Variants in RIPOR2 observed in about 807,000 individuals in gnomAD.
The protein encoded by RIPOR2 is RHO family interacting cell polarization regulator 2.
RIPOR2 carries 39 observed loss-of-function variants against 114.5 expected under a neutral mutation model. That is an observed-to-expected ratio of 0.34 (90% CI 0.26 to 0.44). The LOEUF is 0.44. RIPOR2 is among the 20% of genes least tolerant of loss of function. RIPOR2 has a pLI of 1.00. For synonymous variants in RIPOR2, 445 were observed against 484.4 expected, an observed-to-expected ratio of 0.92 and a Z score of 1.07; for missense variants, 1,007 against 1,255.1, an observed-to-expected ratio of 0.80 and a Z score of 2.99.
intron 1 of RIPOR2, among the ~76,000 whole-genome samples, chr6:24,884,133 GC>G (rs1306236692): frequency 6.6e-6 from 1 of 152,174 alleles, no homozygotes. Context: ...AGCAGGCCCG[GC>G]ACGGTGGCTC....
intron 1 of RIPOR2, among the ~76,000 whole-genome samples, chr6:24,942,683 A>G (rs916242595): frequency 1.3e-5 from 2 of 152,108 alleles, no homozygotes; most frequent in Admixed American, 6.5e-5. Flanking sequence ...GCATTTTTTC[A>G]TATGTCTTTT....
chr6:24,835,958 A>T, intron 14 of RIPOR2, 87 bp from the exon 15 acceptor site: 1 of 1,245,482 alleles, frequency 8.0e-7, no homozygotes, highest in Non-Finnish European at 1.1e-6. Context: ...GGGCCCCAAC[A>T]GCACCCACTG....
intron 4 of RIPOR2, 46 bp downstream of exon 4, chr6:24,872,835 G>T: frequency 7.7e-7 from 1 of 1,293,876 alleles, no homozygotes; most frequent in Non-Finnish European, 1.1e-6. Context: ...AAGCTATTTG[G>T]CTAAAAAGAA....
intron 6 of RIPOR2, among the ~76,000 whole-genome samples, chr6:24,867,258 A>C (rs1260378497): frequency 6.6e-6 from 1 of 152,164 alleles, no homozygotes; most frequent in Non-Finnish European, 1.5e-5. Flanking sequence ...TGCTGATGAC[A>C]TCTTTTGGTT....
chr6:24,806,439 G>A lies in RIPOR2; in HGVS notation c.3078C>T (p.Asp1026=). The A allele has an allele frequency of 6.4e-7, 1 of 1,551,784 alleles. No individual in the cohort carries two copies. The highest frequency in any genetic ancestry group is 1.4e-5 in the African/African-American group (1 of 73,134). The change falls in exon 22 of 22, where the codon GAC becomes GAT. Residue 1026 remains aspartate (D), a synonymous_variant. Transcript: ENST00000643898. ...CTTTAACACAGTCTCGAGGAAATTT[G>A]TCCAATTGTTCATATGCCAGCCGCC... ...EDGRLAYEQL[D]KFPRDCVKVG...
At chr6:25,040,936 C>T (rs2113783606) in intron 1 of RIPOR2, among the ~76,000 whole-genome samples, 1 of 152,314 alleles carries the variant, frequency 6.6e-6, no homozygotes, top group East Asian at 1.9e-4. Flanking sequence ...TACCCCATTC[C>T]TCATGGAAAC....
intron 1 of RIPOR2, among the ~76,000 whole-genome samples, chr6:24,973,497 T>A (rs188743057): frequency 1.3e-5 from 2 of 151,042 alleles, no homozygotes; most frequent in Non-Finnish European, 2.9e-5. Context: ...CTTGGGAGGC[T>A]GAGGCAGGAG....
rs763723982 is a variant in RIPOR2, at chr6:24,873,699, C to G, written c.289G>C (p.Glu97Gln). The G allele has an allele frequency of 9.9e-6, 16 of 1,613,586 alleles. No individual in the cohort carries two copies. The highest frequency in any genetic ancestry group is 8.8e-5 in the South Asian group (8 of 91,060). Residue 97 changes from glutamate (E) to glutamine (Q), a missense_variant, in exon 3 of 22, where the codon GAG becomes CAG. By Grantham distance (29) the Glu-to-Gln change is conservative (BLOSUM62 2). Transcript: ENST00000643898. ...TCTTCCACCCTTTTAGGCTGAGGCT[C>G]TTTGGGGGGATTGTTGTTTTTGTGG... ...LGHKNNNPPK[E>Q]PQPKRVEEVY...
intron 2 of RIPOR2, 141 bp downstream of exon 2, chr6:24,875,550 T>A: frequency 1.3e-6 from 1 of 743,376 alleles, no homozygotes; most frequent in Non-Finnish European, 2.2e-6. Flanking sequence ...TTTTAGTACA[T>A]CCTTTCCATG....
chr6:24,912,201 G>A (rs552784030), intron 1 of RIPOR2, among the ~76,000 whole-genome samples: 1 of 152,206 alleles, frequency 6.6e-6, no homozygotes, highest in African/African-American at 2.4e-5. Context: ...CATAGGGCAG[G>A]GACCATCTCT....
chr6:24,975,682 A>G (rs950216271), intron 1 of RIPOR2, among the ~76,000 whole-genome samples: 1 of 152,214 alleles, frequency 6.6e-6, no homozygotes, highest in South Asian at 2.1e-4. Context: ...TGCATAGTAT[A>G]CTTGAAATTT....
rs543972623 is a variant in RIPOR2, at chr6:25,024,291, A to T, written c.76+17560T>A. The stretch of plus-strand genomic sequence containing the variant: ...GAACTCTTCCACAAACTCCCTGATG[A>T]CATCCTCAATGAACACCTTTTTGGC... On this transcript the variant is annotated intron_variant, in intron 1 of 13. Transcript: ENST00000510784. The T allele has an allele frequency of 1.8e-5, 28 of 1,531,790 alleles. No homozygotes were observed. The African/African-American group carries it at 3.4e-4, about 19-fold the overall frequency. 94.9% of individuals were successfully genotyped at this position (1,531,790 alleles called of 1,614,324 possible).
chr6:24,947,428 C>T (rs1049378827), intron 1 of RIPOR2, among the ~76,000 whole-genome samples: 4 of 152,156 alleles, frequency 2.6e-5, no homozygotes, highest in Non-Finnish European at 5.9e-5. Context: ...CCTGAATGTA[C>T]CTTCCTACTT....
chr6:24,908,290 T>C (rs147743692), intron 1 of RIPOR2, among the ~76,000 whole-genome samples: 136 of 152,340 alleles, frequency 8.9e-4, no homozygotes, highest in African/African-American at 3.1e-3. Flanking sequence ...ACTTCTGACT[T>C]CTTTTCAGAA....
At chr6:24,930,414 T>G (rs1771293248) in intron 1 of RIPOR2, among the ~76,000 whole-genome samples, 1 of 152,224 alleles carries the variant, frequency 6.6e-6, no homozygotes, top group Admixed American at 6.5e-5. Flanking sequence ...CTTGTAGTTT[T>G]GGGCCCCTTT....
At chr6:25,006,583 T>C (rs1439203261) in intron 1 of RIPOR2, among the ~76,000 whole-genome samples, 1 of 152,204 alleles carries the variant, frequency 6.6e-6, no homozygotes, top group Non-Finnish European at 1.5e-5. Flanking sequence ...CTCTGTTCTT[T>C]TTTTGAAGAG....
chr6:24,980,599 A>G (rs920326125), intron 1 of RIPOR2, among the ~76,000 whole-genome samples: 1 of 152,132 alleles, frequency 6.6e-6, no homozygotes, highest in Admixed American at 6.5e-5. Flanking sequence ...CCTCACACCT[A>G]TATGGTAAAG....
At chr6:24,823,734 T>C (rs1759900430) in intron 19 of RIPOR2, among the ~76,000 whole-genome samples, 2 of 152,190 alleles carry the variant, frequency 1.3e-5, no homozygotes, top group African/African-American at 4.8e-5. Context: ...AGGAAGGCTA[T>C]GTCTTACCTG....
intron 1 of RIPOR2, among the ~76,000 whole-genome samples, chr6:24,894,061 G>T (rs1767621647): frequency 6.6e-6 from 1 of 152,212 alleles, no homozygotes. Flanking sequence ...TAGTCCAGGT[G>T]CTATGAGGAG....
Sources: allele counts gnomAD v4.1 joint callset (sites outside exome capture counted in the v4.1 genomes callset), GRCh38; gene constraint gnomAD v4.1.1; transcripts MANE v1.5; gene names NCBI Gene and HGNC (gene_info 2026-07-23, HGNC 2026-07-21).